Variants in KCNAB1 observed in about 807,000 individuals in gnomAD.
KCNAB1 encodes the protein potassium voltage-gated channel subfamily A regulatory beta subunit 1.
In KCNAB1, 35 loss-of-function variants were observed where a neutral mutation model predicts 64.6. The ratio of observed to expected loss-of-function variants is 0.54; its 90% CI spans 0.41 to 0.72. KCNAB1 has a LOEUF of 0.72. KCNAB1 is among the 30% of genes least tolerant of loss of function. The probability of loss-of-function intolerance (pLI) is 0.00; values close to 1 mark genes in which losing one functional copy is unlikely to be tolerated. For missense variants in KCNAB1, 401 were observed against 512.9 expected, an observed-to-expected ratio of 0.78 and a Z score of 2.11; for synonymous variants, 177 against 183.8, an observed-to-expected ratio of 0.96 and a Z score of 0.30.
intron 8 of KCNAB1, among the ~76,000 whole-genome samples, chr3:156,503,970 G>A (rs1716638453): frequency 6.6e-6 from 1 of 152,024 alleles, no homozygotes; most frequent in South Asian, 2.1e-4. Flanking sequence ...GTTAACTATA[G>A]TCTCCCTACA....
Position 156,127,592 on chromosome 3 carries a change from C to T in KCNAB1, c.275+6706C>T, listed in dbSNP as rs137954672. Among the ~76,000 whole-genome samples, 9 of 152,226 alleles carry T rather than the reference C, an allele frequency of 5.9e-5. No individual in the cohort carries two copies. In the East Asian group the frequency reaches 1.5e-3, roughly 26 times the overall value. On this transcript the variant is annotated intron_variant, in intron 1 of 13. Coordinates refer to ENST00000490337, the MANE Select transcript of KCNAB1 (RefSeq NM_172160.3). ...CCTCAACAGGACAGGATTTAGGTAG[C>T]CAGAGAAAGTTACAGCATTCTAGTA... is the stretch of plus-strand genomic sequence containing the variant.
chr3:156,349,873 T>C (rs1281278610), intron 1 of KCNAB1, among the ~76,000 whole-genome samples: 1 of 152,230 alleles, frequency 6.6e-6, no homozygotes, highest in African/African-American at 2.4e-5. Flanking sequence ...CTGTTTTTCT[T>C]ATTTAATTTT....
intron 12 of KCNAB1, among the ~76,000 whole-genome samples, chr3:156,528,765 A>C (rs1422632530): frequency 6.6e-6 from 1 of 152,226 alleles, no homozygotes; most frequent in Non-Finnish European, 1.5e-5. Context: ...ATTTAAAGAC[A>C]GGTGAGTGCT....
intron 1 of KCNAB1, among the ~76,000 whole-genome samples, chr3:156,149,262 T>G (rs1340034102): frequency 6.6e-6 from 1 of 151,684 alleles, no homozygotes; most frequent in African/African-American, 2.4e-5. Flanking sequence ...AAACCGGACA[T>G]AGTCCAAGCC....
intron 1 of KCNAB1, among the ~76,000 whole-genome samples, chr3:156,408,139 GA>G (rs1714381048): frequency 6.6e-6 from 1 of 152,112 alleles, no homozygotes; most frequent in African/African-American, 2.4e-5. Flanking sequence ...TCAGGCAGCA[GA>G]AACTTTTATT....
intron 8 of KCNAB1, among the ~76,000 whole-genome samples, chr3:156,479,567 C>T (rs1022021663): frequency 1.3e-5 from 2 of 152,112 alleles, no homozygotes; most frequent in Non-Finnish European, 2.9e-5. Flanking sequence ...TTGTAGACAA[C>T]AGCAAGAAGA....
At chr3:156,140,197 A>T (rs1229994870) in intron 1 of KCNAB1, among the ~76,000 whole-genome samples, 1 of 152,212 alleles carries the variant, frequency 6.6e-6, no homozygotes, top group African/African-American at 2.4e-5. Flanking sequence ...ATGTAATAAC[A>T]TTCTTCATTT....
At chr3:156,310,488 A>G (rs1234982627) in intron 1 of KCNAB1, among the ~76,000 whole-genome samples, 1 of 152,184 alleles carries the variant, frequency 6.6e-6, no homozygotes, top group Non-Finnish European at 1.5e-5. Context: ...GTAGGTATGC[A>G]CCAGAGGAGT....
intron 1 of KCNAB1, among the ~76,000 whole-genome samples, chr3:156,147,060 A>G (rs573261673): frequency 6.6e-6 from 1 of 152,346 alleles, no homozygotes; most frequent in East Asian, 1.9e-4. Flanking sequence ...AACAGTGCCA[A>G]GAAAGACCAA....
intron 1 of KCNAB1, among the ~76,000 whole-genome samples, chr3:156,187,470 C>A (rs752117655): frequency 6.6e-6 from 1 of 152,166 alleles, no homozygotes; most frequent in South Asian, 2.1e-4. Context: ...ATTAATATTT[C>A]TTTATCTCCC....
chr3:156,234,041 A>G (rs1716703726), intron 1 of KCNAB1, among the ~76,000 whole-genome samples: 1 of 151,936 alleles, frequency 6.6e-6, no homozygotes, highest in African/African-American at 2.4e-5. Context: ...GAAATGAGGG[A>G]GGCATCAGCT....
intron 8 of KCNAB1, among the ~76,000 whole-genome samples, chr3:156,505,279 T>C (rs891792698): frequency 6.6e-6 from 1 of 152,218 alleles, no homozygotes; most frequent in Non-Finnish European, 1.5e-5. Flanking sequence ...TTTATGCCAG[T>C]ATCACACTAT....
intron 1 of KCNAB1, among the ~76,000 whole-genome samples, chr3:156,223,098 C>T (rs1185830192): frequency 4.6e-5 from 7 of 152,136 alleles, no homozygotes; most frequent in African/African-American, 1.2e-4. Context: ...GCAGTGTGTC[C>T]GGAGTTTGTT....
intron 13 of KCNAB1, among the ~76,000 whole-genome samples, chr3:156,534,473 C>A (rs1718913973): frequency 6.6e-6 from 1 of 152,128 alleles, no homozygotes; most frequent in South Asian, 2.1e-4. Context: ...CCTTAAAACC[C>A]TTCTGAGGCT....
chr3:156,375,289 G>A lies in KCNAB1; in HGVS notation c.276-46327G>A, dbSNP rs1397086824. ...TTGCAAAAGGCCACAGTCCTTCTTTGTAGAGTTTATGAAGCTCATCCCTAT... is the reference window on the plus strand; with the variant it reads ...TTGCAAAAGGCCACAGTCCTTCTTTATAGAGTTTATGAAGCTCATCCCTAT... On this transcript the variant is annotated intron_variant, in intron 1 of 13. Coordinates refer to ENST00000490337, the MANE Select transcript of KCNAB1 (RefSeq NM_172160.3). Among the ~76,000 whole-genome samples, 2 of 135,112 alleles carry A rather than the reference G, an allele frequency of 1.5e-5. 1 individual carries two copies. Among genetic ancestry groups the A allele is most frequent in the African/African-American group, 6.7e-5 (2 of 30,042 alleles). The allele number at this position is 135,112 out of a possible 152,430, so 88.6% of individuals were successfully genotyped here. A position where few individuals can be genotyped will look rare whatever the true frequency, so the allele number is the denominator to read the frequency against.
chr3:156,177,822 C>T (rs1456996076), intron 1 of KCNAB1, among the ~76,000 whole-genome samples: 1 of 152,166 alleles, frequency 6.6e-6, no homozygotes, highest in Non-Finnish European at 1.5e-5. Context: ...CTCACTGCCA[C>T]CTCCGCCTGC....
upstream of KCNAB1, chr3:156,118,485 G>T (rs1449947750): frequency 7.6e-6 from 2 of 262,600 alleles, no homozygotes; most frequent in Admixed American, 5.0e-5. Flanking sequence ...GATTCAAGGG[G>T]CTGAGAAACA....
At chr3:156,243,569 G>C (rs578198926) in intron 1 of KCNAB1, among the ~76,000 whole-genome samples, 6 of 152,316 alleles carry the variant, frequency 3.9e-5, no homozygotes, top group Admixed American at 1.3e-4. Context: ...AACTTTGATG[G>C]AAGCCCTAAA....
chr3:156,212,191 G>A (rs1715049868), intron 1 of KCNAB1, among the ~76,000 whole-genome samples: 2 of 152,124 alleles, frequency 1.3e-5, no homozygotes, highest in Admixed American at 6.5e-5. Flanking sequence ...AAAGAACAGA[G>A]GCTGTGTGCA....
Sources: gnomAD v4.1 joint callset for allele counts (sites outside exome capture counted in the v4.1 genomes callset) on GRCh38, gnomAD v4.1.1 for gene constraint, MANE v1.5 for transcripts, NCBI Gene and HGNC (gene_info 2026-07-23, HGNC 2026-07-21) for gene names.